Variants in ADAMTS6 observed in about 807,000 individuals in gnomAD.
ADAMTS6 encodes ADAM metallopeptidase with thrombospondin type 1 motif 6.
A neutral mutation model predicts 144.3 loss-of-function variants in ADAMTS6; 23 were observed. The ratio of observed to expected loss-of-function variants is 0.16; its 90% CI spans 0.11 to 0.23. The LOEUF (loss-of-function observed/expected upper bound fraction) is 0.23, where lower values mean the gene tolerates loss of function less well. Ranked by LOEUF, ADAMTS6 falls within the 10% of genes least tolerant of loss-of-function variation. The pLI is 1.00. For synonymous variants in ADAMTS6, 444 were observed against 457.5 expected (o/e 0.97, Z 0.38); for missense variants, 999 against 1,379.6 (o/e 0.72, Z 4.37).
intron 7 of ADAMTS6, among the ~76,000 whole-genome samples, chr5:65,437,098 A>AT (rs546838256): frequency 0.39 from 55,089 of 141,290 alleles, 10,792 homozygotes; most frequent in South Asian, 0.45. Context: ...GGAAACTCCC[A>AT]TTTTTTTTTT....
At chr5:65,461,702 C>A in intron 3 of ADAMTS6, among the ~76,000 whole-genome samples, 1 of 152,104 alleles carries the variant, frequency 6.6e-6, no homozygotes, top group Non-Finnish European at 1.5e-5. Context: ...CAGGGGATTG[C>A]CCCAGACAAC....
intron 9 of ADAMTS6, among the ~76,000 whole-genome samples, chr5:65,326,621 T>A (rs1746200398): frequency 6.6e-6 from 1 of 152,198 alleles, no homozygotes; most frequent in Admixed American, 6.5e-5. Flanking sequence ...TAGTTTATGG[T>A]CAAATATTCT....
chr5:65,256,424 T>G (rs1483622465), intron 14 of ADAMTS6: 1 of 152,198 alleles, frequency 6.6e-6, no homozygotes, highest in African/African-American at 2.4e-5. Flanking sequence ...TTGGATAGCA[T>G]GAAAATACAT....
chr5:65,335,721 A>G (rs1285623404), intron 7 of ADAMTS6, among the ~76,000 whole-genome samples: 1 of 152,196 alleles, frequency 6.6e-6, no homozygotes, highest in African/African-American at 2.4e-5. Flanking sequence ...GATATATTAC[A>G]GAAAAATGTT....
rs764291833 is a variant in ADAMTS6 at position 65,224,995 on chromosome 5, C to T, written c.2120G>A (p.Arg707Gln). ...TGTGCTTCCGTCCCCTCCACAGACT[C>T]GACATCTATCTTCCCTAGCATCAGA... ...LGSDAREDRC[R>Q]VCGGDGSTCD... Residue 707 changes from arginine (R) to glutamine (Q), a missense_variant, in exon 17 of 25, where the codon CGA becomes CAA. Transcript: ENST00000381055. 1.2e-5 allele frequency: 20 copies of T among 1,613,970 alleles called. No homozygotes were observed. Among genetic ancestry groups the T allele is most frequent in the Non-Finnish European group, 1.5e-5 (18 of 1,180,004 alleles).
chr5:65,204,835 ATAATAGTACATTGT>A (rs1295714949), intron 20 of ADAMTS6, among the ~76,000 whole-genome samples: 1 of 152,234 alleles, frequency 6.6e-6, no homozygotes, highest in Non-Finnish European at 1.5e-5. Context: ...ATTTCAAAAA[ATAATAGTACATTGT>A]ACAACCCCAC....
At chr5:65,371,370 TA>T (rs1210839463) in intron 7 of ADAMTS6, among the ~76,000 whole-genome samples, 6 of 151,818 alleles carry the variant, frequency 4.0e-5, no homozygotes, top group African/African-American at 1.5e-4. Context: ...TTGAAAACTT[TA>T]AAAAAAATTT....
intron 7 of ADAMTS6, among the ~76,000 whole-genome samples, chr5:65,409,649 A>G (rs890526461): frequency 1.3e-5 from 2 of 152,340 alleles, no homozygotes; most frequent in African/African-American, 4.8e-5. Flanking sequence ...TCATTTTATG[A>G]GGCCAGCATC....
At chr5:65,320,372 A>T (rs1176599839) in intron 9 of ADAMTS6, among the ~76,000 whole-genome samples, 1 of 152,196 alleles carries the variant, frequency 6.6e-6, no homozygotes, top group African/African-American at 2.4e-5. Flanking sequence ...AAGGACTCAG[A>T]AGATTTAGAA....
At chr5:65,420,296 T>C (rs1487652493) in intron 7 of ADAMTS6, among the ~76,000 whole-genome samples, 2 of 152,144 alleles carry the variant, frequency 1.3e-5, no homozygotes, top group African/African-American at 2.4e-5. Flanking sequence ...TGAGACTTGG[T>C]TGGGGACACA....
At position 65,225,111 on chromosome 5, in the gene ADAMTS6, A is replaced by G. The variant is rs1018813507; in HGVS notation, c.2068-64T>C. The stretch of plus-strand genomic sequence containing the variant: ...AATTCTTGGAATCATAACTAATGAA[A>G]TACATATAACTTATTTATTTGCTTG... On this transcript the variant is annotated intron_variant, in intron 16 of 24. Transcript: ENST00000381055. 7 of 1,529,606 alleles carry G rather than the reference A, an allele frequency of 4.6e-6. No individual in the cohort carries two copies. The African/African-American group carries it at 9.7e-5, about 21-fold the overall frequency. 94.8% of individuals were successfully genotyped at this position (1,529,606 alleles called of 1,614,324 possible).
chr5:65,159,734 T>C (rs1291323596), intron 24 of ADAMTS6, among the ~76,000 whole-genome samples: 6 of 152,230 alleles, frequency 3.9e-5, no homozygotes, highest in African/African-American at 1.4e-4. Flanking sequence ...CCTGTTGTAT[T>C]GCGTTCATAG....
intron 7 of ADAMTS6, among the ~76,000 whole-genome samples, chr5:65,386,310 C>G (rs895439753): frequency 1.3e-5 from 2 of 152,000 alleles, no homozygotes; most frequent in African/African-American, 2.4e-5. Context: ...TATTTAAACA[C>G]TCCCCTTTAT....
At chr5:65,431,284 G>A (rs950106061) in intron 7 of ADAMTS6, among the ~76,000 whole-genome samples, 1 of 151,976 alleles carries the variant, frequency 6.6e-6, no homozygotes, top group African/African-American at 2.4e-5. Flanking sequence ...TATCTTTCAA[G>A]GGAACTTTTG....
intron 7 of ADAMTS6, among the ~76,000 whole-genome samples, chr5:65,365,646 C>T (rs941585816): frequency 1.1e-5 from 1 of 91,986 alleles, no homozygotes; most frequent in Admixed American, 1.1e-4. Flanking sequence ...GACTCTGTTT[C>T]AAAAAAAAAA....
intron 3 of ADAMTS6, among the ~76,000 whole-genome samples, chr5:65,465,873 C>A (rs535705392): frequency 6.6e-6 from 1 of 152,292 alleles, no homozygotes; most frequent in African/African-American, 2.4e-5. Context: ...GTCCTTAGAC[C>A]TCTTCTCTAT....
intron 7 of ADAMTS6, among the ~76,000 whole-genome samples, chr5:65,404,688 A>T (rs910294477): frequency 5.9e-5 from 9 of 152,186 alleles, no homozygotes; most frequent in Non-Finnish European, 1.3e-4. Flanking sequence ...GTCAAATGGT[A>T]TTTCTAGTCC....
intron 21 of ADAMTS6, among the ~76,000 whole-genome samples, chr5:65,193,648 A>G (rs899340588): frequency 6.6e-6 from 1 of 152,174 alleles, no homozygotes; most frequent in Admixed American, 6.5e-5. Context: ...GATTCACACA[A>G]TCTTTCTGGA....
intron 22 of ADAMTS6, among the ~76,000 whole-genome samples, chr5:65,175,705 G>GA (rs57833154): frequency 1.7e-3 from 235 of 139,030 alleles, no homozygotes; most frequent in African/African-American, 3.7e-3. Flanking sequence ...GTATCCTAAG[G>GA]AAAAAAAAAA....
Sources: gnomAD v4.1 joint callset for allele counts (sites outside exome capture counted in the v4.1 genomes callset) on GRCh38, gnomAD v4.1.1 for gene constraint, MANE v1.5 for transcripts, NCBI Gene and HGNC (gene_info 2026-07-23, HGNC 2026-07-21) for gene names.